The following PKD2L2 variants were observed in gnomAD, a reference collection of about 807,000 sequenced individuals.
The protein encoded by PKD2L2 is polycystin 2 like 2, transient receptor potential cation channel, also known as polycystin-2-like protein 2.
PKD2L2 carries 67 observed loss-of-function variants against 83.9 expected under a neutral mutation model. The observed-to-expected ratio is 0.80, with a 90% CI of 0.66 to 0.98. The LOEUF (loss-of-function observed/expected upper bound fraction) is 0.98. Ranked by LOEUF, PKD2L2 falls within the 50% of genes least tolerant of loss-of-function variation. PKD2L2 has a pLI of 0.00. For missense variants in PKD2L2, 632 were observed against 717.2 expected, an observed-to-expected ratio of 0.88 and a Z score of 1.36; for synonymous variants, 223 against 237.8, an observed-to-expected ratio of 0.94 and a Z score of 0.57.
rs138169934 is a variant in PKD2L2 at position 137,925,785 on chromosome 5, G to T, written c.1617-90G>T. On this transcript the variant is annotated intron_variant, in intron 11 of 14. Coordinates refer to ENST00000508883, the MANE Select transcript of PKD2L2 (RefSeq NM_001300921.2). ...CATTATCAGGAAGAAATATTATTCA[G>T]ATCCTTACTACAGATCCGATTGTAC... 166 of 664,658 alleles carry T rather than the reference G, an allele frequency of 2.5e-4. No individual in the cohort carries two copies. In the African/African-American group the frequency reaches 2.6e-3, roughly 10 times the overall value. 41.2% of individuals were successfully genotyped at this position (664,658 alleles called of 1,614,324 possible).
At chr5:137,910,265 AATAATAAT>A (rs1386784607) in intron 8 of PKD2L2, among the ~76,000 whole-genome samples, 279 of 148,720 alleles carry the variant, frequency 1.9e-3, no homozygotes, top group Non-Finnish European at 1.9e-3. Context: ...TAATAATAAT[AATAATAAT>A]AAAACTTGGT....
At chr5:137,892,727 A>G (rs1181879821) in intron 3 of PKD2L2, 114 bp downstream of exon 3, 1 of 884,852 alleles carries the variant, frequency 1.1e-6, no homozygotes, top group Admixed American at 2.7e-5. Flanking sequence ...AATAAATGTC[A>G]TTTCTTTAAA....
chr5:137,932,548 C>CA (rs1384524160), intron 12 of PKD2L2, among the ~76,000 whole-genome samples: 1 of 151,980 alleles, frequency 6.6e-6, no homozygotes, highest in East Asian at 1.9e-4. Flanking sequence ...ATAATGACTG[C>CA]AGGAAGAGGT....
At chr5:137,925,229 T>C (rs868618117) in intron 11 of PKD2L2, 125 bp downstream of exon 11, 14 of 648,946 alleles carry the variant, frequency 2.2e-5, no homozygotes, top group South Asian at 9.6e-5. Context: ...GGTTTCACCA[T>C]GTTGGTCAGA....
At chr5:137,899,484 C>G (rs1386944874) in intron 4 of PKD2L2, 32 bp from the exon 5 acceptor site, 1 of 1,326,520 alleles carries the variant, frequency 7.5e-7, no homozygotes, top group Non-Finnish European at 1.1e-6. Flanking sequence ...TGGGCTTTGT[C>G]ATTTCACCAT....
In PKD2L2 at chr5:137,923,415, C is replaced by T. The variant is rs1182548787; in HGVS notation, c.1450-5C>T. 4.1e-6 allele frequency: 5 copies of T among 1,221,346 alleles called. No individual in the cohort carries two copies. In the Admixed American group the frequency reaches 6.9e-5, roughly 17 times the overall value. The allele number at this position is 1,221,346 out of a possible 1,614,324, so 75.7% of individuals were successfully genotyped here. On this transcript the variant is annotated splice_polypyrimidine_tract_variant and splice_region_variant and intron_variant, in intron 9 of 14. Coordinates refer to ENST00000508883, the MANE Select transcript of PKD2L2 (RefSeq NM_001300921.2). ...TGAAATAATTATTTGAATACTTATCCCTAGAATATGTTCTTGGCAATTATT... is the reference window on the plus strand; with the variant it reads ...TGAAATAATTATTTGAATACTTATCTCTAGAATATGTTCTTGGCAATTATT...
At chr5:137,940,848 T>C (rs1321852119) in intron 14 of PKD2L2, among the ~76,000 whole-genome samples, 6 of 152,188 alleles carry the variant, frequency 3.9e-5, no homozygotes, top group Admixed American at 2.6e-4. Context: ...TAAGCAAAAT[T>C]TTCTCCCAAT....
At chr5:137,929,056 A>G (rs1473701159) in intron 12 of PKD2L2, among the ~76,000 whole-genome samples, 1 of 152,224 alleles carries the variant, frequency 6.6e-6, no homozygotes, top group African/African-American at 2.4e-5. Context: ...ATTATTGAAT[A>G]TAATTGGGTA....
intron 14 of PKD2L2, chr5:137,938,936 AAC>A (rs1282266278): frequency 3.9e-5 from 6 of 152,212 alleles, no homozygotes; most frequent in Admixed American, 1.3e-4. Flanking sequence ...AAAAAAAGTT[AAC>A]ACTTAGATTA....
intron 5 of PKD2L2, among the ~76,000 whole-genome samples, chr5:137,903,660 G>A (rs1180689405): frequency 2.0e-5 from 3 of 152,104 alleles, no homozygotes; most frequent in African/African-American, 4.8e-5. Flanking sequence ...CTAACATATT[G>A]TATGTAATCT....
chr5:137,895,815 T>C (rs1469658682), intron 4 of PKD2L2, among the ~76,000 whole-genome samples: 1 of 150,628 alleles, frequency 6.6e-6, no homozygotes, highest in Non-Finnish European at 1.5e-5. Context: ...AAGGCGAAGG[T>C]TGTGGTGAAC....
intron 5 of PKD2L2, among the ~76,000 whole-genome samples, chr5:137,900,952 A>G (rs990854275): frequency 2.0e-5 from 3 of 152,164 alleles, no homozygotes; most frequent in Admixed American, 6.6e-5. Context: ...AGCCTGACCA[A>G]CATGGAGGAA....
intron 8 of PKD2L2, among the ~76,000 whole-genome samples, chr5:137,920,180 G>A (rs1198840160): frequency 3.9e-5 from 6 of 152,112 alleles, no homozygotes; most frequent in South Asian, 2.1e-4. Flanking sequence ...TCCAGTCTGC[G>A]TGATAAGAGT....
At chr5:137,894,676 C>A in intron 4 of PKD2L2, 67 bp downstream of exon 4, 2 of 1,255,596 alleles carry the variant, frequency 1.6e-6, no homozygotes, top group Non-Finnish European at 1.1e-6. Flanking sequence ...AGATATGTGT[C>A]TTCCAAGTAA....
intron 12 of PKD2L2, among the ~76,000 whole-genome samples, chr5:137,931,001 A>G (rs112989031): frequency 5.9e-5 from 9 of 152,170 alleles, no homozygotes; most frequent in African/African-American, 1.7e-4. Context: ...GCATAAACAT[A>G]CAAAGTAAGA....
chr5:137,923,555 A>T (rs1343639395), intron 10 of PKD2L2, 34 bp downstream of exon 10: 3 of 989,950 alleles, frequency 3.0e-6, no homozygotes, highest in Admixed American at 3.4e-5. Context: ...TAGAATTCTA[A>T]GACAAACCTC....
chr5:137,929,522 G>C (rs1258977512), intron 12 of PKD2L2, among the ~76,000 whole-genome samples: 1 of 12,112 alleles, frequency 8.3e-5, no homozygotes, highest in African/African-American at 2.5e-4. Context: ...TATTTCTATA[G>C]GACAAAATTG....
At chr5:137,926,054 T>C in intron 12 of PKD2L2, 125 bp downstream of exon 12, 2 of 576,624 alleles carry the variant, frequency 3.5e-6, no homozygotes, top group South Asian at 4.4e-5. Flanking sequence ...CATCTCCAAA[T>C]AAATCTCCCA....
chr5:137,904,642 C>G (rs1026738144), intron 5 of PKD2L2, among the ~76,000 whole-genome samples: 3 of 152,002 alleles, frequency 2.0e-5, no homozygotes, highest in Non-Finnish European at 4.4e-5. Context: ...GGAAGAGGTT[C>G]AGAAAAAAAC....
Sources: allele counts gnomAD v4.1 joint callset (sites outside exome capture counted in the v4.1 genomes callset), GRCh38; gene constraint gnomAD v4.1.1; transcripts MANE v1.5; gene names NCBI Gene and HGNC (gene_info 2026-07-23, HGNC 2026-07-21).